YTHDF3: variants seen among roughly 807,000 people sequenced by gnomAD.
YTHDF3 encodes the protein YTH N6-methyladenosine RNA binding protein F3, also known as YTH domain-containing family protein 3.
Under a neutral mutation model 52.5 loss-of-function variants are expected in YTHDF3, and 9 were observed. That is an observed-to-expected ratio of 0.17 (90% CI 0.10 to 0.30). The LOEUF (loss-of-function observed/expected upper bound fraction) is 0.30. Among genes scored for constraint, YTHDF3 ranks in the 10% least tolerant of loss-of-function variants. The pLI is 1.00. For missense variants in YTHDF3, 534 were observed against 715.0 expected, an observed-to-expected ratio of 0.75 and a Z score of 2.89; for synonymous variants, 274 against 243.3, an observed-to-expected ratio of 1.13 and a Z score of -1.18.
At chr8:63,173,688 C>G (rs1166366051) in intron 2 of YTHDF3, 2 of 984,968 alleles carry the variant, frequency 2.0e-6, no homozygotes. Context: ...ACAGGTATGT[C>G]AGAATCTCTT....
chr8:63,207,245 T>C (rs1810092793), intron 4 of YTHDF3, among the ~76,000 whole-genome samples: 1 of 152,176 alleles, frequency 6.6e-6, no homozygotes, highest in Non-Finnish European at 1.5e-5. Context: ...ATTAGTATAG[T>C]TGTATGAGTC....
intron 3 of YTHDF3, among the ~76,000 whole-genome samples, chr8:63,178,387 T>A (rs770255156): frequency 2.0e-5 from 3 of 151,986 alleles, no homozygotes; most frequent in East Asian, 3.9e-4. Context: ...AAAAAAAAAA[T>A]AGTTTTAAAA....
chr8:63,169,530 A>C, intron 2 of YTHDF3, 119 bp downstream of exon 2: 1 of 1,145,464 alleles, frequency 8.7e-7, no homozygotes, highest in Non-Finnish European at 1.3e-6. Context: ...GGATTAGGGA[A>C]AATATTCATC....
chr8:63,190,578 A>G (rs375032452), intron 4 of YTHDF3, among the ~76,000 whole-genome samples: 1 of 152,236 alleles, frequency 6.6e-6, no homozygotes, highest in Non-Finnish European at 1.5e-5. Flanking sequence ...ATGGCGAACT[A>G]TAACAAGTGG....
Position 63,168,747 on chromosome 8 carries a change from T to C in YTHDF3, c.-131T>C. 6.5e-7 allele frequency: 1 copy of C among 1,534,930 alleles called. No individual in the cohort carries two copies. Among genetic ancestry groups the C allele is most frequent in the Non-Finnish European group, 8.8e-7 (1 of 1,137,694 alleles). On this transcript the variant is annotated 5_prime_UTR_variant, in exon 1 of 5. Coordinates refer to ENST00000539294, the MANE Select transcript of YTHDF3 (RefSeq NM_152758.6). The stretch of plus-strand genomic sequence containing the variant: ...CCGAGCGCGAGGCCCTCATTTTGGG[T>C]TCTCAGCGAACGGCGGCAGCGGCGG...
upstream of YTHDF3, chr8:63,168,608 T>A (rs1807048754): frequency 3.4e-6 from 2 of 591,288 alleles, no homozygotes; most frequent in Non-Finnish European, 5.9e-6. Flanking sequence ...TCAGGGAGGC[T>A]CGGAGCGGAA....
intron 4 of YTHDF3, among the ~76,000 whole-genome samples, chr8:63,201,365 T>TA (rs1449672850): frequency 6.6e-6 from 1 of 152,040 alleles, no homozygotes; most frequent in Non-Finnish European, 1.5e-5. Context: ...ATATTTAGAA[T>TA]AAAAAATAAA....
intron 3 of YTHDF3, 142 bp from the exon 4 acceptor site, chr8:63,186,005 G>GTC: frequency 1.0e-6 from 1 of 959,102 alleles, no homozygotes; most frequent in Non-Finnish European, 1.5e-6. Context: ...AACTGGATTT[G>GTC]AAATTTTAAT....
intron 4 of YTHDF3, among the ~76,000 whole-genome samples, chr8:63,200,980 A>G (rs1809600211): frequency 6.6e-6 from 1 of 152,242 alleles, no homozygotes; most frequent in Non-Finnish European, 1.5e-5. Flanking sequence ...ATGAATCACA[A>G]GTCGAAGGAA....
At chr8:63,199,053 G>A (rs1257565521) in intron 4 of YTHDF3, among the ~76,000 whole-genome samples, 1 of 152,078 alleles carries the variant, frequency 6.6e-6, no homozygotes, top group Non-Finnish European at 1.5e-5. Context: ...TTTTACTGCA[G>A]TATTACTCTA....
rs539695112 is a variant in YTHDF3, at chr8:63,171,289, C to G, written c.49+1878C>G. ...TCCCCTCTATAAAATAAAAATAACT[C>G]TAGTCATAATTCCCATAATTCCTAT... On this transcript the variant is annotated intron_variant, in intron 2 of 4. Coordinates refer to ENST00000539294, the MANE Select transcript of YTHDF3 (RefSeq NM_152758.6). Among the ~76,000 whole-genome samples the G allele has an allele frequency of 3.3e-5, 5 of 152,240 alleles. No homozygotes were observed. In the South Asian group the frequency reaches 1.0e-3, roughly 32 times the overall value.
intron 3 of YTHDF3, among the ~76,000 whole-genome samples, chr8:63,180,400 A>G (rs1171566536): frequency 8.1e-5 from 12 of 148,854 alleles, no homozygotes; most frequent in Non-Finnish European, 7.4e-5. Context: ...GACGCTCCTC[A>G]CTTCCCAGAT....
In YTHDF3 at chr8:63,209,808, G is replaced by A; in HGVS notation, c.*102G>A. 1.6e-6 allele frequency: 2 copies of A among 1,228,030 alleles called. No homozygotes were observed. Among genetic ancestry groups the A allele is most frequent in the South Asian group, 1.5e-5 (1 of 67,720 alleles). 76.1% of individuals were successfully genotyped at this position (1,228,030 alleles called of 1,614,324 possible). A position where few individuals can be genotyped will look rare whatever the true frequency, so the allele number is the denominator to read the frequency against. On this transcript the variant is annotated 3_prime_UTR_variant, in exon 5 of 5. Coordinates refer to ENST00000539294, the MANE Select transcript of YTHDF3 (RefSeq NM_152758.6). Reference sequence around the variant, plus strand: ...GTATTAAAGCTCTTTTCTGCTTAAGGTGACATCTTTGAACACTTTAACACA... The same window carrying A: ...GTATTAAAGCTCTTTTCTGCTTAAGATGACATCTTTGAACACTTTAACACA...
chr8:63,179,990 C>T (rs1189416175), intron 3 of YTHDF3, among the ~76,000 whole-genome samples: 9 of 150,720 alleles, frequency 6.0e-5, no homozygotes, highest in Admixed American at 5.9e-4. Flanking sequence ...CCCCCACCTC[C>T]CTCCCGGATG....
intron 4 of YTHDF3, among the ~76,000 whole-genome samples, chr8:63,203,697 A>G (rs1809794421): frequency 6.6e-6 from 1 of 152,154 alleles, no homozygotes; most frequent in South Asian, 2.1e-4. Flanking sequence ...CTGGACACTA[A>G]CGTTGCATTT....
intron 4 of YTHDF3, among the ~76,000 whole-genome samples, chr8:63,197,771 G>A (rs1229856723): frequency 2.6e-5 from 4 of 151,814 alleles, no homozygotes; most frequent in Non-Finnish European, 5.9e-5. Flanking sequence ...TAATAGAAGG[G>A]AAAAGAAAAA....
chr8:63,186,089 C>T (rs1292372808), intron 3 of YTHDF3, 58 bp from the exon 4 acceptor site: 1 of 1,468,020 alleles, frequency 6.8e-7, no homozygotes, highest in Non-Finnish European at 9.1e-7. Flanking sequence ...TTTCAGATTT[C>T]TTTTTTTGCT....
At chr8:63,204,361 G>GTTTTTTT (rs1205321648) in intron 4 of YTHDF3, among the ~76,000 whole-genome samples, 7 of 124,850 alleles carry the variant, frequency 5.6e-5, no homozygotes, top group African/African-American at 1.5e-4. Flanking sequence ...TGTGTTTGTT[G>GTTTTTTT]TTTTTTTTTT....
intron 4 of YTHDF3, among the ~76,000 whole-genome samples, chr8:63,208,280 CAA>C (rs1238647001): frequency 6.6e-6 from 1 of 152,118 alleles, no homozygotes; most frequent in Non-Finnish European, 1.5e-5. Context: ...CTTTTAGTAA[CAA>C]AGAGAACTGA....
Sources: gnomAD v4.1 joint callset for allele counts (sites outside exome capture counted in the v4.1 genomes callset) on GRCh38, gnomAD v4.1.1 for gene constraint, MANE v1.5 for transcripts, NCBI Gene and HGNC (gene_info 2026-07-23, HGNC 2026-07-21) for gene names.